C12orf57: variants seen among roughly 807,000 people sequenced by gnomAD.
C12orf57 encodes the protein protein C10.
A neutral mutation model predicts 11.3 loss-of-function variants in C12orf57; 14 were observed. The ratio of observed to expected loss-of-function variants is 1.24; its 90% confidence interval spans 0.82 to 1.94. The LOEUF is 1.94. Among genes scored for constraint, C12orf57 ranks in the 30% most tolerant of loss-of-function variants. The pLI, the probability that C12orf57 is intolerant of heterozygous loss-of-function variation, is 0.00. For synonymous variants in C12orf57, 100 were observed against 74.6 expected (o/e 1.34, Z -1.76); for missense variants, 229 against 172.4 (o/e 1.33, Z -1.84).
intron 1 of C12orf57, 82 bp downstream of exon 1, chr12:6,944,255 C>G: frequency 6.2e-7 from 1 of 1,609,070 alleles, no homozygotes; most frequent in East Asian, 2.2e-5. Flanking sequence ...AGGATGCGGG[C>G]GGAGGATGTG....
At chr12:6,944,388 C>T (rs1945736920) in intron 1 of C12orf57, 88 bp from the exon 2 acceptor site, 5 of 1,561,206 alleles carry the variant, frequency 3.2e-6, no homozygotes, top group Non-Finnish European at 4.3e-6. Flanking sequence ...AGCCTCAATC[C>T]ACTAATTCCT....
chr12:6,945,500 C>T (rs782015449), intron 2 of C12orf57, among the ~76,000 whole-genome samples: 6 of 152,136 alleles, frequency 3.9e-5, no homozygotes, highest in African/African-American at 1.4e-4. Flanking sequence ...TCTTGGGGTT[C>T]CAGTGACTAA....
Position 6,944,190 on chromosome 12 carries a change from T to C in C12orf57, c.52+17T>C, listed in dbSNP as rs781977651. The C allele has an allele frequency of 2.5e-5, 39 of 1,565,962 alleles. No individual in the cohort carries two copies. Among genetic ancestry groups the C allele is most frequent in the Non-Finnish European group, 3.4e-5 (39 of 1,140,630 alleles). On this transcript the variant is annotated intron_variant, in intron 1 of 2. Transcript: ENST00000229281. The stretch of plus-strand genomic sequence containing the variant: ...AAGCAAAGGGTGAGAATCGTCCTAG[T>C]CAAGGCATAGGCTGCTGGCCTGGGG...
Position 6,944,052 on chromosome 12 carries a change from T to G in C12orf57, c.-70T>G, listed in dbSNP as rs114366875. The G allele has an allele frequency of 3.0e-3, 4,780 of 1,611,648 alleles. 119 individuals are homozygous for G. The African/African-American group carries it at 0.057, about 19-fold the overall frequency. ...CCGCTCCCAGGGGCGTTGGGAACGGTTGTAGGACGTGGCTCTTTATTCGTG... is the reference window on the plus strand; with the variant it reads ...CCGCTCCCAGGGGCGTTGGGAACGGGTGTAGGACGTGGCTCTTTATTCGTG... On this transcript the variant is annotated 5_prime_UTR_variant, in exon 1 of 3. Coordinates refer to ENST00000229281, the MANE Select transcript of C12orf57 (RefSeq NM_138425.4).
At chr12:6,943,788 C>T, upstream of C12orf57, 1 of 936,084 alleles carries the variant, frequency 1.1e-6, no homozygotes, top group Non-Finnish European at 1.4e-6. Flanking sequence ...TCCTTTATAT[C>T]CCATCTTCTC....
intron 2 of C12orf57, 176 bp downstream of exon 2, chr12:6,944,828 T>G (rs782166955): frequency 4.8e-6 from 7 of 1,449,756 alleles, no homozygotes; most frequent in Non-Finnish European, 6.4e-6. Context: ...AGCTTGTGCG[T>G]CCGAGTTGCG....
At chr12:6,944,301 G>C in intron 1 of C12orf57, 128 bp downstream of exon 1, 1 of 1,590,414 alleles carries the variant, frequency 6.3e-7, no homozygotes, top group Non-Finnish European at 8.6e-7. Flanking sequence ...CGGGAAAATG[G>C]GGTAGGGGAC....
upstream of C12orf57, chr12:6,943,666 A>G (rs1161787993): frequency 1.3e-5 from 17 of 1,287,040 alleles, no homozygotes; most frequent in Non-Finnish European, 1.5e-5. Flanking sequence ...GACTTAAGTA[A>G]GTTCCTTAGA....
At chr12:6,944,217 A>G (rs782183431) in intron 1 of C12orf57, 44 bp downstream of exon 1, 46 of 1,583,168 alleles carry the variant, frequency 2.9e-5, no homozygotes, top group Non-Finnish European at 3.7e-5. Context: ...GGCCTGGGGT[A>G]GTCAAGGCAT....
Position 6,944,564 on chromosome 12 carries a change from G to C in C12orf57, c.141G>C (p.Met47Ile). The C allele has an allele frequency of 2.5e-6, 4 of 1,614,196 alleles. No homozygotes were observed. Among genetic ancestry groups the C allele is most frequent in the Non-Finnish European group, 2.5e-6 (3 of 1,180,040 alleles). The change falls in exon 2 of 3, where the codon ATG becomes ATC. Residue 47 changes from methionine (M) to isoleucine (I), a missense_variant. Physicochemically the swap from Met to Ile is conservative, Grantham distance 10. Transcript: ENST00000229281. The stretch of plus-strand genomic sequence containing the variant: ...CTCGGGATAACGCCTGCAACGACAT[G>C]GGTAAGATGCTGCAATTCGTGCTGC... ...DEARDNACND[M>I]GKMLQFVLPV...
rs1016125994 is a variant in C12orf57 at position 6,944,061 on chromosome 12, G to C, written c.-61G>C. 46 of 1,612,992 alleles carry C rather than the reference G, an allele frequency of 2.9e-5. No homozygotes were observed. Among genetic ancestry groups the C allele is most frequent in the Non-Finnish European group, 3.6e-5 (43 of 1,179,844 alleles). On this transcript the variant is annotated 5_prime_UTR_variant, in exon 1 of 3. Transcript: ENST00000229281. ...GGGGCGTTGGGAACGGTTGTAGGAC[G>C]TGGCTCTTTATTCGTGAGTTTTCCA...
upstream of C12orf57, chr12:6,943,461 G>A (rs1945678937): frequency 8.2e-7 from 1 of 1,225,152 alleles, no homozygotes; most frequent in African/African-American, 1.6e-5. Flanking sequence ...CGGGCATTAG[G>A]CTCCATCGCT....
intron 1 of C12orf57, 23 bp from the exon 2 acceptor site, chr12:6,944,453 C>T (rs782482740): frequency 2.9e-5 from 46 of 1,607,676 alleles, no homozygotes; most frequent in African/African-American, 4.0e-5. Flanking sequence ...GGGACGCCTC[C>T]CTGGGATGCT....
chr12:6,945,047 G>T, intron 2 of C12orf57: 1 of 388,666 alleles, frequency 2.6e-6, no homozygotes. Flanking sequence ...GAATAATTTT[G>T]TGCATGAGAC....
chr12:6,944,864 C>T (rs1715428028), intron 2 of C12orf57: 8 of 1,415,982 alleles, frequency 5.6e-6, no homozygotes, highest in Admixed American at 3.1e-5. Context: ...GTTCTGTATC[C>T]CTTACCCGAA....
chr12:6,943,995 C>T (rs781998653), upstream of C12orf57: 87 of 1,588,582 alleles, frequency 5.5e-5, no homozygotes, highest in South Asian at 2.6e-4. Flanking sequence ...CACGCCTGGG[C>T]GCTTCCGGCT....
In C12orf57 at chr12:6,944,040, C is replaced by G; in HGVS notation, c.-82C>G. 2.5e-6 allele frequency: 4 copies of G among 1,610,874 alleles called. No homozygotes were observed. The highest frequency in any genetic ancestry group is 1.7e-4 in the Middle Eastern group (1 of 6,060). ...GCTGTTTCCTTTCCGCTCCCAGGGG[C>G]GTTGGGAACGGTTGTAGGACGTGGC... is the stretch of plus-strand genomic sequence containing the variant. On this transcript the variant is annotated 5_prime_UTR_variant, in exon 1 of 3. Transcript: ENST00000229281.
chr12:6,943,676 A>T, upstream of C12orf57: 1 of 1,283,186 alleles, frequency 7.8e-7, no homozygotes. Flanking sequence ...AGTTCCTTAG[A>T]ATATTATTTT....
chr12:6,944,013 A>G (rs782813862), upstream of C12orf57: 13 of 1,601,172 alleles, frequency 8.1e-6, no homozygotes, highest in South Asian at 2.2e-5. Context: ...GCTGCGCCGG[A>G]TGCTGTTTCC....
Sources: gnomAD v4.1 joint callset for allele counts (sites outside exome capture counted in the v4.1 genomes callset) on GRCh38, gnomAD v4.1.1 for gene constraint, MANE v1.5 for transcripts, NCBI Gene and HGNC (gene_info 2026-07-23, HGNC 2026-07-21) for gene names.